The following SEPTIN7 variants were observed in gnomAD, a reference collection of about 807,000 sequenced individuals.
The protein encoded by SEPTIN7 is septin-7.
In SEPTIN7, 10 loss-of-function variants were observed where a neutral mutation model predicts 63.3. That is an observed-to-expected ratio of 0.16 (90% confidence interval 0.10 to 0.27). SEPTIN7 has a LOEUF of 0.27. Among genes scored for constraint, SEPTIN7 ranks in the 10% least tolerant of loss-of-function variants. The pLI is 1.00. For synonymous variants in SEPTIN7, 131 were observed against 165.3 expected (o/e 0.79, Z 1.59); for missense variants, 310 against 521.0 (o/e 0.59, Z 3.94).
chr7:35,863,504 T>A, intron 3 of SEPTIN7, 48 bp from the exon 4 acceptor site: 1 of 1,123,422 alleles, frequency 8.9e-7, no homozygotes, highest in Non-Finnish European at 1.3e-6. Context: ...TATTTAAGAT[T>A]GCGTAAAGTG....
intron 4 of SEPTIN7, among the ~76,000 whole-genome samples, chr7:35,867,393 C>G (rs1440139475): frequency 6.6e-6 from 1 of 152,142 alleles, no homozygotes; most frequent in Non-Finnish European, 1.5e-5. Context: ...CTCTTTCACC[C>G]AGCTGGAGTA....
rs1442778485 is a variant in SEPTIN7, at chr7:35,883,201, A to C, written c.723+625A>C. ...TTATGTTTCAATTAAAAACAATAAA[A>C]ACCAACCAAAAATTCACATCAACAT... On this transcript the variant is annotated intron_variant, in intron 8 of 13. Transcript: ENST00000350320. Among the ~76,000 whole-genome samples, 4 of 151,998 alleles carry C rather than the reference A, an allele frequency of 2.6e-5. No homozygotes were observed. The East Asian group carries it at 7.7e-4, about 29-fold the overall frequency.
At position 35,859,220 on chromosome 7, in the gene SEPTIN7, CAG is replaced by C. The variant is rs373546019; in HGVS notation, c.170-4331_170-4330del. 2.7e-3 allele frequency among the ~76,000 whole-genome samples: 412 copies of C among 152,076 alleles called. 2 individuals carry two copies. Among genetic ancestry groups the C allele is most frequent in the African/African-American group, 9.1e-3 (379 of 41,496 alleles). On this transcript the variant is annotated intron_variant, in intron 3 of 13. Coordinates refer to ENST00000350320, the MANE Select transcript of SEPTIN7 (RefSeq NM_001788.6). ...TTGGGTTTTTATTTTTATTTTGTCT[CAG>C]GGTGTATTCTAATTTCCCTTGTGAT...
At chr7:35,847,338 C>G (rs145030813) in intron 3 of SEPTIN7, 16 of 163,494 alleles carry the variant, frequency 9.8e-5, no homozygotes, top group African/African-American at 3.6e-4. Flanking sequence ...AGGGCCCCAG[C>G]ATCCATCAGG....
rs371087458 is a variant in SEPTIN7 at position 35,884,083 on chromosome 7, A to T, written c.820+96A>T. The T allele has an allele frequency of 7.6e-6, 5 of 660,508 alleles. No individual in the cohort carries two copies. In the East Asian group the frequency reaches 1.1e-4, roughly 15 times the overall value. 40.9% of individuals were successfully genotyped at this position (660,508 alleles called of 1,614,324 possible). A position where few individuals can be genotyped will look rare whatever the true frequency, so the allele number is the denominator to read the frequency against. On this transcript the variant is annotated intron_variant, in intron 9 of 13. Coordinates refer to ENST00000350320, the MANE Select transcript of SEPTIN7 (RefSeq NM_001788.6). ...GTAGTACAGTATGCACACTGTATTG[A>T]TATAGTCTAGATTTTCAAGGATAAT... is the stretch of plus-strand genomic sequence containing the variant.
At chr7:35,812,092 A>G (rs903255747) in intron 1 of SEPTIN7, 4 of 229,500 alleles carry the variant, frequency 1.7e-5, no homozygotes, top group African/African-American at 9.6e-5. Flanking sequence ...AAGCCTCTGC[A>G]CTGCCTGGTG....
chr7:35,850,561 C>T (rs1219237922), intron 3 of SEPTIN7, among the ~76,000 whole-genome samples: 1 of 152,126 alleles, frequency 6.6e-6, no homozygotes, highest in Non-Finnish European at 1.5e-5. Context: ...AAAAGTGGCT[C>T]CTTGAATCTA....
chr7:35,861,542 C>T (rs143824843), intron 3 of SEPTIN7, among the ~76,000 whole-genome samples: 81 of 152,262 alleles, frequency 5.3e-4, no homozygotes, highest in East Asian at 9.6e-4. Context: ...GCCTGTGGGT[C>T]GCTTTCTCAA....
chr7:35,875,435 A>G (rs1279476978), intron 6 of SEPTIN7, among the ~76,000 whole-genome samples: 2 of 152,168 alleles, frequency 1.3e-5, no homozygotes, highest in African/African-American at 2.4e-5. Flanking sequence ...CATGCAGTCT[A>G]ATAGATGAAT....
chr7:35,892,954 A>T (rs1213507617), intron 11 of SEPTIN7, among the ~76,000 whole-genome samples: 1 of 152,200 alleles, frequency 6.6e-6, no homozygotes, highest in Non-Finnish European at 1.5e-5. Context: ...TCATTGAATA[A>T]CGCATACTGA....
Position 35,885,825 on chromosome 7 carries a change from C to T in SEPTIN7, c.821-3C>T. 2 of 1,601,422 alleles carry T rather than the reference C, an allele frequency of 1.2e-6. No homozygotes were observed. The highest frequency in any genetic ancestry group is 1.7e-6 in the Non-Finnish European group (2 of 1,170,928). On this transcript the variant is annotated splice_region_variant and splice_polypyrimidine_tract_variant and intron_variant, in intron 9 of 13. Coordinates refer to ENST00000350320, the MANE Select transcript of SEPTIN7 (RefSeq NM_001788.6). The stretch of plus-strand genomic sequence containing the variant: ...ACATATGCGGTCTGCTTTTTTCTTA[C>T]AGTTGAAAATGGTGAACATTGTGAT...
intron 8 of SEPTIN7, among the ~76,000 whole-genome samples, chr7:35,883,533 C>T (rs1384538599): frequency 1.3e-5 from 2 of 151,914 alleles, no homozygotes; most frequent in Non-Finnish European, 2.9e-5. Flanking sequence ...GCAAGCTAGT[C>T]ATTAGCCCCC....
intron 10 of SEPTIN7, among the ~76,000 whole-genome samples, chr7:35,887,161 A>G (rs566415256): frequency 2.0e-5 from 3 of 152,370 alleles, no homozygotes; most frequent in Admixed American, 1.3e-4. Flanking sequence ...CTATGACAGT[A>G]TATAAGTAGA....
Position 35,803,213 on chromosome 7 carries a change from T to A in SEPTIN7, c.61+1943T>A. ...CATACATAATACATGAAAGGTAGTGTTAAAAGATTGTATTTCAGAAGTTTG... is the reference window on the plus strand; with the variant it reads ...CATACATAATACATGAAAGGTAGTGATAAAAGATTGTATTTCAGAAGTTTG... On this transcript the variant is annotated intron_variant, in intron 1 of 13. Transcript: ENST00000350320. 3 of 776,688 alleles carry A rather than the reference T, an allele frequency of 3.9e-6. No homozygotes were observed. The South Asian group carries it at 1.8e-4, about 45-fold the overall frequency. 48.1% of individuals were successfully genotyped at this position (776,688 alleles called of 1,614,324 possible).
At chr7:35,872,080 T>C (rs866925098) in intron 4 of SEPTIN7, among the ~76,000 whole-genome samples, 4 of 152,166 alleles carry the variant, frequency 2.6e-5, no homozygotes, top group Non-Finnish European at 5.9e-5. Context: ...GTCCAGAATG[T>C]GGAGTATCAC....
intron 4 of SEPTIN7, among the ~76,000 whole-genome samples, chr7:35,870,382 G>A (rs943344850): frequency 5.9e-5 from 9 of 152,130 alleles, no homozygotes; most frequent in Non-Finnish European, 1.0e-4. Context: ...AATGGGCTTC[G>A]TTTGGTAATA....
chr7:35,839,693 A>G (rs1784311640), intron 3 of SEPTIN7, among the ~76,000 whole-genome samples: 1 of 152,118 alleles, frequency 6.6e-6, no homozygotes, highest in Non-Finnish European at 1.5e-5. Context: ...CTGGGATTAT[A>G]GGCGCCTGCC....
intron 8 of SEPTIN7, among the ~76,000 whole-genome samples, chr7:35,882,976 A>G (rs1181394249): frequency 6.6e-6 from 1 of 152,098 alleles, no homozygotes; most frequent in Non-Finnish European, 1.5e-5. Flanking sequence ...AGTAAGTTCT[A>G]GCGTTCTGTA....
chr7:35,838,695 G>C (rs561774405), intron 3 of SEPTIN7: 1 of 151,634 alleles, frequency 6.6e-6, no homozygotes, highest in African/African-American at 2.4e-5. Context: ...CTTTTTCTTT[G>C]TGGTTTACTT....
Sources: allele counts gnomAD v4.1 joint callset (sites outside exome capture counted in the v4.1 genomes callset), GRCh38; gene constraint gnomAD v4.1.1; transcripts MANE v1.5; gene names NCBI Gene and HGNC (gene_info 2026-07-23, HGNC 2026-07-21).